KCNH4: variants seen among roughly 807,000 people sequenced by gnomAD.
The protein encoded by KCNH4 is potassium voltage-gated channel subfamily H member 4.
Under a neutral mutation model 90.7 loss-of-function variants are expected in KCNH4, and 33 were observed. The observed-to-expected ratio is 0.36, with a 90% CI of 0.28 to 0.49. The LOEUF is 0.49. Ranked by LOEUF, KCNH4 falls within the 20% of genes least tolerant of loss-of-function variation. The pLI is 0.98. For synonymous variants in KCNH4, 551 were observed against 581.7 expected (o/e 0.95, Z 0.76); for missense variants, 1,044 against 1,387.1 (o/e 0.75, Z 3.93).
chr17:42,164,932 G>A (rs1036412300), intron 11 of KCNH4, among the ~76,000 whole-genome samples: 5 of 151,746 alleles, frequency 3.3e-5, no homozygotes, highest in Non-Finnish European at 5.9e-5. Flanking sequence ...ATGGTGAAAC[G>A]CTATCTCTAC....
intron 1 of KCNH4, 44 bp from the exon 2 acceptor site, chr17:42,179,070 A>G: frequency 6.8e-7 from 1 of 1,480,942 alleles, no homozygotes; most frequent in African/African-American, 1.4e-5. Context: ...CTGGGAGGCG[A>G]GCTAGCTTCC....
In KCNH4 at chr17:42,162,343, G is replaced by A. The variant is rs375676540; in HGVS notation, c.2585-22C>T. The A allele has an allele frequency of 5.6e-6, 9 of 1,607,562 alleles. No individual in the cohort carries two copies. The South Asian group carries it at 7.7e-5, about 14-fold the overall frequency. On this transcript the variant is annotated intron_variant, in intron 14 of 16. Coordinates refer to ENST00000264661, the MANE Select transcript of KCNH4 (RefSeq NM_012285.3). ...GTCCCTGCAGGGTGAAGGGATGCAG[G>A]TGAGTTCATGGAGCATTAATACCTG...
Position 42,163,283 on chromosome 17 carries a change from G to A in KCNH4, c.2529C>T (p.Phe843=). ...GCAGTTCAGGCCTCCTGCTGAATCG[G>A]AATGAAGGGGCCTCAGCTGTGCTGC... ...DSGSTAEAPS[F]RFSRRPELPR... Residue 843 remains phenylalanine, a synonymous_variant, in exon 14 of 17, where the codon TTC becomes TTT. Coordinates refer to ENST00000264661, the MANE Select transcript of KCNH4 (RefSeq NM_012285.3). This position sits in a 1 kb window ranked among gnomAD's most constrained non-coding sequence, Gnocchi z 5.4. 1 of 1,614,138 alleles carries A rather than the reference G, an allele frequency of 6.2e-7. No individual in the cohort carries two copies. The highest frequency in any genetic ancestry group is 8.5e-7 in the Non-Finnish European group (1 of 1,180,022).
At chr17:42,167,949 A>T (rs1023959723) in intron 9 of KCNH4, among the ~76,000 whole-genome samples, 1 of 152,100 alleles carries the variant, frequency 6.6e-6, no homozygotes, top group African/African-American at 2.4e-5. Context: ...CTCCCTCCGC[A>T]GCACTCACAT....
At chr17:42,161,980 A>G (rs1351378003) in intron 15 of KCNH4, among the ~76,000 whole-genome samples, 1 of 140,894 alleles carries the variant, frequency 7.1e-6, no homozygotes, top group East Asian at 2.0e-4. Context: ...TTTCTGAGAC[A>G]GAGTCTTGCC....
chr17:42,163,532 C>T lies in KCNH4; in HGVS notation c.2477+74G>A. On this transcript the variant is annotated intron_variant, in intron 13 of 16. Transcript: ENST00000264661. This position sits in a 1 kb window ranked among gnomAD's most constrained non-coding sequence, Gnocchi z 5.4. ...ACGGAATGTAGCACTGTTTGGAACG[C>T]CAGGGATAGAGCCCAGAGAAGGTTC... 1 of 802,926 alleles carries T rather than the reference C, an allele frequency of 1.2e-6. No individual in the cohort carries two copies. Among genetic ancestry groups the T allele is most frequent in the Non-Finnish European group, 2.0e-6 (1 of 499,306 alleles). 49.7% of individuals were successfully genotyped at this position (802,926 alleles called of 1,614,324 possible).
At chr17:42,169,089 A>T (rs1227916045) in intron 9 of KCNH4, among the ~76,000 whole-genome samples, 14 of 124,358 alleles carry the variant, frequency 1.1e-4, no homozygotes, top group African/African-American at 4.1e-4. Context: ...TTATTTATTT[A>T]TTTTTTTTGA....
At chr17:42,172,082 A>G in intron 6 of KCNH4, 87 bp from the exon 7 acceptor site, 6 of 1,141,046 alleles carry the variant, frequency 5.3e-6, no homozygotes, top group Non-Finnish European at 6.4e-6. Flanking sequence ...CCACCAGACA[A>G]CCTGGAGCCA....
rs2079897145 is a variant in KCNH4 at position 42,180,954 on chromosome 17, G to A, written c.-9C>T. 6.2e-7 allele frequency: 1 copy of A among 1,611,426 alleles called. No individual in the cohort carries two copies. The highest frequency in any genetic ancestry group is 8.5e-7 in the Non-Finnish European group (1 of 1,178,888). ...CCCTTCATGACCGGCATGGCCCCGG[G>A]GCGTGGGTTCAAGGCGCGGCGCTGG... On this transcript the variant is annotated 5_prime_UTR_variant, in exon 1 of 17. Transcript: ENST00000264661. This position sits in a 1 kb window ranked among gnomAD's most constrained non-coding sequence, Gnocchi z 4.7.
In KCNH4 at chr17:42,159,873, G is replaced by T; in HGVS notation, c.*167C>A. 2.1e-6 allele frequency: 1 copy of T among 475,674 alleles called. No individual in the cohort carries two copies. 29.5% of individuals were successfully genotyped at this position (475,674 alleles called of 1,614,324 possible). A position where few individuals can be genotyped will look rare whatever the true frequency, so the allele number is the denominator to read the frequency against. On this transcript the variant is annotated 3_prime_UTR_variant, in exon 16 of 17. Coordinates refer to ENST00000264661, the MANE Select transcript of KCNH4 (RefSeq NM_012285.3). ...GAGGTTGGGGAAGGCTTGGAAAAGG[G>T]AATAGCGTCAGAGGTAACCACGCTT...
In KCNH4 at chr17:42,169,528, G is replaced by C. The variant is rs768816145; in HGVS notation, c.1539C>G (p.Leu513=). 3 of 1,613,300 alleles carry C rather than the reference G, an allele frequency of 1.9e-6. No homozygotes were observed. The highest frequency in any genetic ancestry group is 2.7e-5 in the African/African-American group (2 of 74,946). ...RLPRPLKQRM[L]EYFQTTWAVN... is the part of the protein sequence containing the mutation. ...CGGCCCACGTGGTCTGGAAGTATTC[G>C]AGCATGCGCTGCTTGAGCGGCCGCG... is the stretch of plus-strand genomic sequence containing the variant. The change falls in exon 9 of 17, where the codon CTC becomes CTG. Residue 513 remains leucine (L), a synonymous_variant. Coordinates refer to ENST00000264661, the MANE Select transcript of KCNH4 (RefSeq NM_012285.3).
chr17:42,170,077 C>G (rs753581150), intron 8 of KCNH4, 30 bp downstream of exon 8: 8 of 1,554,790 alleles, frequency 5.1e-6, no homozygotes, highest in Non-Finnish European at 7.0e-6. Context: ...TTCGCAGGGC[C>G]CCACTGAGGC....
At chr17:42,157,608 T>TTTTTG (rs1365101224) in intron 16 of KCNH4, among the ~76,000 whole-genome samples, 1 of 152,154 alleles carries the variant, frequency 6.6e-6, no homozygotes, top group Admixed American at 6.5e-5. Flanking sequence ...CCTGAGGTTT[T>TTTTTG]TTTTGTTTTG....
intron 5 of KCNH4, 131 bp downstream of exon 5, chr17:42,175,923 T>C (rs2079857276): frequency 2.4e-6 from 3 of 1,256,484 alleles, no homozygotes; most frequent in African/African-American, 3.0e-5. Context: ...ACATGGGCCA[T>C]TGGGACTTAA....
intron 15 of KCNH4, among the ~76,000 whole-genome samples, chr17:42,161,478 A>G (rs1025698840): frequency 1.3e-5 from 2 of 152,190 alleles, no homozygotes; most frequent in African/African-American, 4.8e-5. Flanking sequence ...CTTGGGGAGG[A>G]GGCAGAGGCT....
Position 42,163,131 on chromosome 17 carries a change from G to A in KCNH4, c.2584+97C>T. ...GTTTTATCTGTGTATTCCCAGGATG[G>A]CACCTGGCACATGGTAGGCCCCTAC... On this transcript the variant is annotated intron_variant, in intron 14 of 16. Transcript: ENST00000264661. This position sits in a 1 kb window ranked among gnomAD's most constrained non-coding sequence, Gnocchi z 5.4. 1 of 838,276 alleles carries A rather than the reference G, an allele frequency of 1.2e-6. No homozygotes were observed. The highest frequency in any genetic ancestry group is 2.0e-6 in the Non-Finnish European group (1 of 488,502). The allele number at this position is 838,276 out of a possible 1,614,324, so 51.9% of individuals were successfully genotyped here.
chr17:42,176,349 G>T, intron 4 of KCNH4, 52 bp from the exon 5 acceptor site: 6 of 1,424,070 alleles, frequency 4.2e-6, no homozygotes, highest in East Asian at 2.5e-5. Context: ...GAGGAGCCAA[G>T]ATGGGGGGTG....
At chr17:42,172,536 AACAC>A (rs55671197) in intron 6 of KCNH4, among the ~76,000 whole-genome samples, 3,310 of 136,638 alleles carry the variant, frequency 0.024, 40 homozygotes, top group East Asian at 0.054. Context: ...CTTATTTAAC[AACAC>A]ACACACACAC....
Position 42,178,313 on chromosome 17 carries a change from G to C in KCNH4, c.457+18C>G. On this transcript the variant is annotated intron_variant, in intron 3 of 16. Coordinates refer to ENST00000264661, the MANE Select transcript of KCNH4 (RefSeq NM_012285.3). ...AGGCTTCTGACCATTCACACTGCCC[G>C]TCCGGACTTGCTGTTACCGTGATTA... 6.2e-7 allele frequency: 1 copy of C among 1,614,148 alleles called. No individual in the cohort carries two copies. The highest frequency in any genetic ancestry group is 2.2e-5 in the East Asian group (1 of 44,890).
Sources: allele counts gnomAD v4.1 joint callset (sites outside exome capture counted in the v4.1 genomes callset), GRCh38; gene constraint gnomAD v4.1.1; non-coding constraint Gnocchi (gnomAD v3.1); transcripts MANE v1.5; gene names NCBI Gene and HGNC (gene_info 2026-07-23, HGNC 2026-07-21).